TBC1D4: variants seen among roughly 807,000 people sequenced by gnomAD.
TBC1D4 encodes the protein TBC (Tre-2, BUB2, CDC16) domain-containing protein.
TBC1D4 carries 121 observed loss-of-function variants against 142.5 expected under a neutral mutation model. The observed-to-expected ratio is 0.85, with a 90% confidence interval of 0.73 to 0.99. The LOEUF (loss-of-function observed/expected upper bound fraction) is 0.99, where lower values mean the gene tolerates loss of function less well. TBC1D4 is among the 50% of genes least tolerant of loss of function. TBC1D4 has a pLI of 0.00. For synonymous variants in TBC1D4, 630 were observed against 628.2 expected, an observed-to-expected ratio of 1.00 and a Z score of -0.04; for missense variants, 1,475 against 1,606.6, an observed-to-expected ratio of 0.92 and a Z score of 1.40.
chr13:75,472,216 A>G (rs989921777), intron 1 of TBC1D4, among the ~76,000 whole-genome samples: 1 of 151,670 alleles, frequency 6.6e-6, no homozygotes. Context: ...TGAGGTCAAG[A>G]GAGAACAGCC....
At chr13:75,300,193 A>G (rs1593880330) in intron 16 of TBC1D4, among the ~76,000 whole-genome samples, 2 of 152,164 alleles carry the variant, frequency 1.3e-5, no homozygotes, top group Non-Finnish European at 2.9e-5. Flanking sequence ...TTCTTTTTCA[A>G]TATCTAAAAA....
At chr13:75,437,287 C>G (rs1265371436) in intron 1 of TBC1D4, among the ~76,000 whole-genome samples, 4 of 152,036 alleles carry the variant, frequency 2.6e-5, no homozygotes, top group African/African-American at 4.8e-5. Context: ...CAGGAAAAAT[C>G]CAACGAAGCA....
intron 1 of TBC1D4, among the ~76,000 whole-genome samples, chr13:75,445,758 A>AC (rs1034006384): frequency 6.6e-6 from 1 of 152,230 alleles, no homozygotes; most frequent in African/African-American, 2.4e-5. Context: ...TACCATTCAC[A>AC]CTACTCCCTA....
chr13:75,402,340 G>C lies in TBC1D4; in HGVS notation c.499-39733C>G, dbSNP rs529970200. Among the ~76,000 whole-genome samples, 3 of 152,052 alleles carry C rather than the reference G, an allele frequency of 2.0e-5. No homozygotes were observed. In the South Asian group the frequency reaches 6.2e-4, roughly 31 times the overall value. On this transcript the variant is annotated intron_variant, in intron 1 of 20. Transcript: ENST00000377636. ...AAAGGGTTTTGTCCCCCATCTCCCCGGGGATACACCTTCATTCTTCTATGC... is the reference window on the plus strand; with the variant it reads ...AAAGGGTTTTGTCCCCCATCTCCCCCGGGATACACCTTCATTCTTCTATGC...
intron 1 of TBC1D4, among the ~76,000 whole-genome samples, chr13:75,443,541 C>G (rs1437230088): frequency 6.6e-6 from 1 of 152,164 alleles, no homozygotes; most frequent in Non-Finnish European, 1.5e-5. Flanking sequence ...CTTCCAGGCA[C>G]CCTTCTAACG....
chr13:75,283,990 C>T lies in TBC1D4; in HGVS notation c.*2802G>A, dbSNP rs542366825. On this transcript the variant is annotated 3_prime_UTR_variant, in exon 21 of 21. Transcript: ENST00000377636. ...GCTCACTGCAAGCTCACTGCAAGCT[C>T]CGCCTCCCAGGTTCAAACTATTCTC... 1.3e-5 allele frequency among the ~76,000 whole-genome samples: 2 copies of T among 152,096 alleles called. No homozygotes were observed. Among genetic ancestry groups the T allele is most frequent in the East Asian group, 3.9e-4 (2 of 5,158 alleles).
intron 20 of TBC1D4, 70 bp from the exon 21 acceptor site, chr13:75,287,095 T>G (rs1183985951): frequency 7.9e-7 from 1 of 1,273,778 alleles, no homozygotes; most frequent in Admixed American, 1.7e-5. Flanking sequence ...TTACACATAT[T>G]AACCAATTAC....
At chr13:75,431,467 T>C (rs1170956571) in intron 1 of TBC1D4, among the ~76,000 whole-genome samples, 1 of 152,188 alleles carries the variant, frequency 6.6e-6, no homozygotes, top group Non-Finnish European at 1.5e-5. Context: ...TTTTCACATC[T>C]ATAAAATTCA....
chr13:75,398,989 A>T (rs118090171), intron 1 of TBC1D4, among the ~76,000 whole-genome samples: 12 of 152,348 alleles, frequency 7.9e-5, no homozygotes, highest in Non-Finnish European at 1.6e-4. Context: ...CAAACAGAGT[A>T]GACTGTAATT....
rs1888909336 is a variant in TBC1D4 at position 75,481,922 on chromosome 13, C to T, written c.-155G>A. ...GACCCCGAACTCCGCGCTTCAGCAG[C>T]CCTGCCCCATGCAGCACTTCCACGG... is the stretch of plus-strand genomic sequence containing the variant. On this transcript the variant is annotated 5_prime_UTR_variant, in exon 1 of 21. Transcript: ENST00000377636. The T allele has an allele frequency of 8.8e-7, 1 of 1,130,478 alleles. No homozygotes were observed. Among genetic ancestry groups the T allele is most frequent in the Non-Finnish European group, 1.1e-6 (1 of 872,736 alleles). 70.0% of individuals were successfully genotyped at this position (1,130,478 alleles called of 1,614,324 possible).
intron 1 of TBC1D4, among the ~76,000 whole-genome samples, chr13:75,371,789 A>G (rs1883237311): frequency 6.6e-6 from 1 of 152,218 alleles, no homozygotes; most frequent in Admixed American, 6.5e-5. Flanking sequence ...TTTCTCTGCC[A>G]TTAGGAGAAA....
intron 1 of TBC1D4, among the ~76,000 whole-genome samples, chr13:75,464,500 A>G (rs1326566274): frequency 4.6e-5 from 7 of 152,218 alleles, no homozygotes; most frequent in Non-Finnish European, 1.0e-4. Flanking sequence ...TATAGAAACA[A>G]TGCTTATCAC....
At chr13:75,350,889 TAC>T (rs1304974667) in intron 4 of TBC1D4, among the ~76,000 whole-genome samples, 2 of 152,190 alleles carry the variant, frequency 1.3e-5, no homozygotes. Context: ...AAATTATAAA[TAC>T]TTTATTTTCT....
At chr13:75,469,798 C>T (rs921169705) in intron 1 of TBC1D4, among the ~76,000 whole-genome samples, 1 of 152,026 alleles carries the variant, frequency 6.6e-6, no homozygotes, top group African/African-American at 2.4e-5. Context: ...AAAAGAGTTT[C>T]GGAGGCAGAA....
chr13:75,463,944 G>C (rs898317092), intron 1 of TBC1D4, among the ~76,000 whole-genome samples: 4 of 152,026 alleles, frequency 2.6e-5, no homozygotes, highest in Non-Finnish European at 5.9e-5. Context: ...CTTTCTTTTG[G>C]CTACAAGTAA....
intron 1 of TBC1D4, among the ~76,000 whole-genome samples, chr13:75,469,359 T>G (rs969186682): frequency 2.6e-5 from 4 of 152,034 alleles, no homozygotes; most frequent in African/African-American, 9.7e-5. Flanking sequence ...AAGGGACTGA[T>G]GGGAGAGCAA....
chr13:75,431,862 A>G (rs1325245394), intron 1 of TBC1D4, among the ~76,000 whole-genome samples: 3 of 152,342 alleles, frequency 2.0e-5, no homozygotes, highest in East Asian at 3.9e-4. Context: ...TAAAATTTTA[A>G]AACAGCTTGT....
intron 20 of TBC1D4, among the ~76,000 whole-genome samples, chr13:75,288,596 A>G (rs1415415679): frequency 6.6e-6 from 1 of 152,108 alleles, no homozygotes; most frequent in Non-Finnish European, 1.5e-5. Flanking sequence ...CCAACCCTCC[A>G]GATTCCAGCT....
chr13:75,356,805 G>A (rs1425727174), intron 3 of TBC1D4, among the ~76,000 whole-genome samples: 2 of 152,202 alleles, frequency 1.3e-5, no homozygotes, highest in East Asian at 1.9e-4. Flanking sequence ...TATCCACAGT[G>A]ACAAATCATT....
Sources: allele counts gnomAD v4.1 joint callset (sites outside exome capture counted in the v4.1 genomes callset), GRCh38; gene constraint gnomAD v4.1.1; transcripts MANE v1.5; gene names NCBI Gene and HGNC (gene_info 2026-07-23, HGNC 2026-07-21).